Variants in ITGAM observed in about 807,000 individuals in gnomAD.
ITGAM encodes the protein integrin alpha-M.
A neutral mutation model predicts 137.5 loss-of-function variants in ITGAM; 79 were observed. The observed-to-expected ratio is 0.57, with a 90% CI of 0.48 to 0.69. ITGAM has a LOEUF of 0.69. ITGAM is among the 30% of genes least tolerant of loss of function. The probability of loss-of-function intolerance (pLI) is 0.00; values close to 1 mark genes in which losing one functional copy is unlikely to be tolerated. For synonymous variants in ITGAM, 583 were observed against 592.3 expected, an observed-to-expected ratio of 0.98 and a Z score of 0.23; for missense variants, 1,343 against 1,483.5, an observed-to-expected ratio of 0.91 and a Z score of 1.56.
intron 14 of ITGAM, among the ~76,000 whole-genome samples, chr16:31,312,487 T>G (rs2080344705): frequency 6.6e-6 from 1 of 152,156 alleles, no homozygotes; most frequent in African/African-American, 2.4e-5. Flanking sequence ...AGTGAAGTGG[T>G]GCAATCATGG....
intron 6 of ITGAM, among the ~76,000 whole-genome samples, chr16:31,271,616 G>C (rs1378263374): frequency 6.6e-6 from 1 of 152,226 alleles, no homozygotes; most frequent in Non-Finnish European, 1.5e-5. Flanking sequence ...GCTTCCCAAA[G>C]TGCTGGGATT....
chr16:31,261,627 G>A, intron 1 of ITGAM, 65 bp from the exon 2 acceptor site: 1 of 1,032,018 alleles, frequency 9.7e-7, no homozygotes. Context: ...CAAAGTGCTA[G>A]GACTACAGCC....
At chr16:31,270,602 C>T (rs1415722236) in intron 5 of ITGAM, among the ~76,000 whole-genome samples, 1 of 149,536 alleles carries the variant, frequency 6.7e-6, no homozygotes, top group East Asian at 2.0e-4. Context: ...AAGCCTCAAC[C>T]TTTTGGGCTG....
chr16:31,329,412 C>G (rs2080551854), intron 24 of ITGAM, 109 bp downstream of exon 24: 1 of 833,814 alleles, frequency 1.2e-6, no homozygotes, highest in Non-Finnish European at 2.0e-6. Flanking sequence ...CTGTGGTGTG[C>G]CAGGCTTGGT....
At chr16:31,296,106 C>CTT (rs768920728) in intron 12 of ITGAM, among the ~76,000 whole-genome samples, 76 of 131,022 alleles carry the variant, frequency 5.8e-4, no homozygotes, top group African/African-American at 1.9e-3. Flanking sequence ...ATCTTTTTAT[C>CTT]TTTTTTTTTT....
Position 31,332,571 on chromosome 16 carries a change from T to A in ITGAM, c.*864T>A, listed in dbSNP as rs1001639925. 6.6e-6 allele frequency: 1 copy of A among 152,178 alleles called. No individual in the cohort carries two copies. The highest frequency in any genetic ancestry group is 1.5e-5 in the Non-Finnish European group (1 of 68,034). The allele number at this position is 152,178 out of a possible 1,614,324, so 9.4% of individuals were successfully genotyped here. On this transcript the variant is annotated 3_prime_UTR_variant, in exon 30 of 30. Coordinates refer to ENST00000544665, the MANE Select transcript of ITGAM (RefSeq NM_000632.4). ...GTTTTGAGGTTTCCTTCAGACAGAT[T>A]CCAGGCGATGTGCAAGTGTATGCAC...
chr16:31,324,874 C>T lies in ITGAM; in HGVS notation c.2290-84C>T, dbSNP rs994284584. ...TTTTATTTGATTGCATCTAATTTTA[C>T]TTCAACATTTGATTTTATTGTTTAA... On this transcript the variant is annotated intron_variant, in intron 18 of 29. Transcript: ENST00000544665. This position sits in a 1 kb window ranked among gnomAD's most constrained non-coding sequence, Gnocchi z 4.5. 5 of 1,550,426 alleles carry T rather than the reference C, an allele frequency of 3.2e-6. No homozygotes were observed. The highest frequency in any genetic ancestry group is 1.7e-4 in the Middle Eastern group (1 of 5,758).
intron 22 of ITGAM, among the ~76,000 whole-genome samples, chr16:31,327,622 A>AATAATAAT (rs1567281793): frequency 9.4e-5 from 14 of 148,344 alleles, no homozygotes; most frequent in African/African-American, 2.6e-4. Context: ...ATAATAATAA[A>AATAATAAT]AAATAAAAGG....
chr16:31,289,470 C>G (rs1467608079), intron 12 of ITGAM, among the ~76,000 whole-genome samples: 1 of 152,096 alleles, frequency 6.6e-6, no homozygotes, highest in African/African-American at 2.4e-5. Context: ...ATGGATGAAG[C>G]TGGAAACCAT....
chr16:31,302,932 CTTT>C (rs2080225894), intron 14 of ITGAM, among the ~76,000 whole-genome samples: 1 of 52,786 alleles, frequency 1.9e-5, no homozygotes, highest in Non-Finnish European at 4.1e-5. Context: ...TTCTTTCTTT[CTTT>C]CTTTCTTTCT....
At position 31,324,311 on chromosome 16, in the gene ITGAM, T is replaced by A; in HGVS notation, c.2003-88T>A. 1 of 1,114,694 alleles carries A rather than the reference T, an allele frequency of 9.0e-7. No homozygotes were observed. The highest frequency in any genetic ancestry group is 1.3e-6 in the Non-Finnish European group (1 of 761,520). The allele number at this position is 1,114,694 out of a possible 1,614,324, so 69.1% of individuals were successfully genotyped here. A position where few individuals can be genotyped will look rare whatever the true frequency, so the allele number is the denominator to read the frequency against. On this transcript the variant is annotated intron_variant, in intron 16 of 29. Transcript: ENST00000544665. This position sits in a 1 kb window ranked among gnomAD's most constrained non-coding sequence, Gnocchi z 4.5. ...GATAACATACCCCAAGTCACACAGC[T>A]GAGAAGCAGAGGAGCTGGGCCTTGA...
chr16:31,271,386 T>A (rs1464562931), intron 6 of ITGAM, among the ~76,000 whole-genome samples: 1 of 152,204 alleles, frequency 6.6e-6, no homozygotes. Flanking sequence ...AGAATCTCAC[T>A]CTTTCTCTCA....
chr16:31,289,108 CG>C (rs1218841544), intron 12 of ITGAM, among the ~76,000 whole-genome samples: 1 of 151,922 alleles, frequency 6.6e-6, no homozygotes, highest in Non-Finnish European at 1.5e-5. Flanking sequence ...GGAAACAACA[CG>C]TGCTGGAGAG....
intron 22 of ITGAM, among the ~76,000 whole-genome samples, chr16:31,327,826 GT>G: frequency 6.6e-6 from 1 of 152,144 alleles, no homozygotes; most frequent in South Asian, 2.1e-4. Context: ...GACGGGTGTT[GT>G]TTGGGATTTG....
chr16:31,319,311 G>A (rs1402333384), intron 14 of ITGAM, among the ~76,000 whole-genome samples: 2 of 151,570 alleles, frequency 1.3e-5, no homozygotes, highest in Admixed American at 1.3e-4. Flanking sequence ...TTGAATTGCT[G>A]TCTATTTCTC....
At position 31,273,629 on chromosome 16, in the gene ITGAM, C is replaced by G. The variant is rs574699815; in HGVS notation, c.858+111C>G. 172 of 1,045,312 alleles carry G rather than the reference C, an allele frequency of 1.6e-4. 4 individuals are homozygous for G. In the South Asian group the frequency reaches 2.5e-3, roughly 15 times the overall value. The allele number at this position is 1,045,312 out of a possible 1,614,324, so 64.8% of individuals were successfully genotyped here. On this transcript the variant is annotated intron_variant, in intron 8 of 29. Coordinates refer to ENST00000544665, the MANE Select transcript of ITGAM (RefSeq NM_000632.4). ...AATCAAAGTGACATGAGAGCTAATG[C>G]TAGCTCATATACACCGTATCAGCTA...
intron 3 of ITGAM, 151 bp from the exon 4 acceptor site, chr16:31,265,660 C>T (rs2144260215): frequency 1.3e-6 from 1 of 773,620 alleles, no homozygotes; most frequent in Non-Finnish European, 2.1e-6. Flanking sequence ...CCCCAGGCAA[C>T]CCCTCTGTGT....
chr16:31,314,999 G>A (rs1438542533), intron 14 of ITGAM, among the ~76,000 whole-genome samples: 4 of 151,882 alleles, frequency 2.6e-5, no homozygotes, highest in Non-Finnish European at 4.4e-5. Flanking sequence ...TTTTAGTAGA[G>A]ATGGCATTTC....
At chr16:31,278,901 C>T (rs540470537) in intron 12 of ITGAM, among the ~76,000 whole-genome samples, 3 of 152,244 alleles carry the variant, frequency 2.0e-5, no homozygotes, top group South Asian at 2.1e-4. Context: ...CTCCACCCTA[C>T]GACGGGCCCT....
Sources: allele counts gnomAD v4.1 joint callset (sites outside exome capture counted in the v4.1 genomes callset), GRCh38; gene constraint gnomAD v4.1.1; non-coding constraint Gnocchi (gnomAD v3.1); transcripts MANE v1.5; gene names NCBI Gene and HGNC (gene_info 2026-07-23, HGNC 2026-07-21).